The following YEATS2 variants were observed in gnomAD, a reference collection of about 807,000 sequenced individuals.
The protein encoded by YEATS2 is YEATS domain containing 2.
Under a neutral mutation model 163.2 loss-of-function variants are expected in YEATS2, and 77 were observed. The observed-to-expected ratio is 0.47, with a 90% CI of 0.39 to 0.57. The LOEUF (loss-of-function observed/expected upper bound fraction) is 0.57, where lower values mean the gene tolerates loss of function less well. Ranked by LOEUF, YEATS2 falls within the 20% of genes least tolerant of loss-of-function variation. The pLI, the probability that YEATS2 is intolerant of heterozygous loss-of-function variation, is 0.00. For synonymous variants in YEATS2, 631 were observed against 645.1 expected (o/e 0.98, Z 0.33); for missense variants, 1,549 against 1,729.8 (o/e 0.90, Z 1.85).
intron 20 of YEATS2, among the ~76,000 whole-genome samples, chr3:183,788,620 ACGT>A (rs1420404545): frequency 6.6e-6 from 1 of 152,200 alleles, no homozygotes; most frequent in Non-Finnish European, 1.5e-5. Flanking sequence ...GGAAGTGCAG[ACGT>A]CTCCTCATAT....
intron 17 of YEATS2, among the ~76,000 whole-genome samples, chr3:183,774,748 C>T (rs1029975048): frequency 2.6e-5 from 4 of 152,126 alleles, no homozygotes; most frequent in African/African-American, 4.8e-5. Context: ...GGAAGTTAAC[C>T]GCCCTTGCCA....
chr3:183,707,725 C>G (rs1031810009), intron 1 of YEATS2, among the ~76,000 whole-genome samples: 2 of 147,862 alleles, frequency 1.4e-5, no homozygotes, highest in Non-Finnish European at 3.0e-5. Flanking sequence ...ACTCTGTCAC[C>G]CAGGCTGGAG....
At chr3:183,754,042 G>A (rs1182918052) in intron 10 of YEATS2, 84 bp from the exon 11 acceptor site, 6 of 1,441,794 alleles carry the variant, frequency 4.2e-6, no homozygotes, top group Non-Finnish European at 5.5e-6. Context: ...TTGAAATAAT[G>A]CATTTTTATT....
chr3:183,810,269 A>C lies in YEATS2; in HGVS notation c.4161-206A>C, dbSNP rs1726663145. 5 of 505,732 alleles carry C rather than the reference A, an allele frequency of 9.9e-6. No individual in the cohort carries two copies. The South Asian group carries it at 1.0e-4, about 10-fold the overall frequency. The allele number at this position is 505,732 out of a possible 1,614,324, so 31.3% of individuals were successfully genotyped here. A position where few individuals can be genotyped will look rare whatever the true frequency, so the allele number is the denominator to read the frequency against. On this transcript the variant is annotated intron_variant, in intron 30 of 30. Coordinates refer to ENST00000305135, the MANE Select transcript of YEATS2 (RefSeq NM_018023.5). Reference sequence around the variant, plus strand: ...GTTCTCAGAATCTTTTTTCCTAATTATTCAACCAACTTGTTGACATCCTTC... The same window carrying C: ...GTTCTCAGAATCTTTTTTCCTAATTCTTCAACCAACTTGTTGACATCCTTC...
intron 15 of YEATS2, among the ~76,000 whole-genome samples, chr3:183,763,224 A>AGTT (rs1292002295): frequency 2.0e-5 from 3 of 152,180 alleles, no homozygotes; most frequent in African/African-American, 4.8e-5. Flanking sequence ...TAGAATAGCT[A>AGTT]ACTACACACT....
intron 9 of YEATS2, among the ~76,000 whole-genome samples, chr3:183,748,599 TTTCTC>T (rs1449389686): frequency 2.0e-5 from 3 of 151,640 alleles, no homozygotes; most frequent in African/African-American, 7.3e-5. Flanking sequence ...TTTTCTTCTT[TTTCTC>T]TTCTCTTTTT....
At chr3:183,780,043 G>A (rs1330731958) in intron 19 of YEATS2, among the ~76,000 whole-genome samples, 1 of 144,686 alleles carries the variant, frequency 6.9e-6, no homozygotes, top group Non-Finnish European at 1.5e-5. Flanking sequence ...TCTGACTCAA[G>A]ATCTAACAGA....
At chr3:183,749,939 T>C (rs1719985722) in intron 9 of YEATS2, among the ~76,000 whole-genome samples, 1 of 152,096 alleles carries the variant, frequency 6.6e-6, no homozygotes, top group Admixed American at 6.6e-5. Flanking sequence ...TGCCTCAGCC[T>C]CCTGAGTAGC....
chr3:183,744,873 C>T (rs1719358013), intron 8 of YEATS2, among the ~76,000 whole-genome samples: 1 of 151,982 alleles, frequency 6.6e-6, no homozygotes, highest in Admixed American at 6.6e-5. Context: ...TGTTTTGAGG[C>T]AGAATCTCAC....
chr3:183,749,536 A>G (rs894289724), intron 9 of YEATS2, among the ~76,000 whole-genome samples: 2 of 152,116 alleles, frequency 1.3e-5, no homozygotes, highest in African/African-American at 4.8e-5. Flanking sequence ...ATCATAACAT[A>G]TGTGTCTCTT....
intron 15 of YEATS2, among the ~76,000 whole-genome samples, chr3:183,771,426 C>T (rs1722442377): frequency 6.7e-6 from 1 of 150,324 alleles, no homozygotes; most frequent in African/African-American, 2.4e-5. Context: ...GTTTTAAAAA[C>T]ACTCCTGAGT....
At chr3:183,734,201 A>G (rs1452589530) in intron 7 of YEATS2, among the ~76,000 whole-genome samples, 21 of 152,206 alleles carry the variant, frequency 1.4e-4, no homozygotes, top group Admixed American at 1.4e-3. Flanking sequence ...CAGTCGGACA[A>G]TGCCCAGTCA....
intron 20 of YEATS2, 132 bp downstream of exon 20, chr3:183,786,433 A>G (rs1724074035): frequency 1.1e-6 from 1 of 870,606 alleles, no homozygotes; most frequent in African/African-American, 1.7e-5. Flanking sequence ...TTAAAGAAAT[A>G]TTCACATACC....
rs1726674149 is a variant in YEATS2 at position 183,810,354 on chromosome 3, C to T, written c.4161-121C>T. On this transcript the variant is annotated intron_variant, in intron 30 of 30. Transcript: ENST00000305135. ...GAGTGGCCCTAAGCTATGTCTGTGG[C>T]TCAGGAGCCCTCTCCACGGGGCCTC... is the stretch of plus-strand genomic sequence containing the variant. 3.6e-6 allele frequency: 3 copies of T among 842,586 alleles called. No individual in the cohort carries two copies. The Admixed American group carries it at 6.3e-5, about 18-fold the overall frequency. 52.2% of individuals were successfully genotyped at this position (842,586 alleles called of 1,614,324 possible).
chr3:183,730,052 G>GTTTGTTTTTTT lies in YEATS2; in HGVS notation c.812+1204_812+1205insGTTTTTTTTTT, dbSNP rs1560244258. 1.7e-4 allele frequency among the ~76,000 whole-genome samples: 7 copies of GTTTGTTTTTTT among 41,708 alleles called. 1 individual carries two copies. Among genetic ancestry groups the GTTTGTTTTTTT allele is most frequent in the African/African-American group, 1.6e-4 (2 of 12,144 alleles). 27.4% of individuals were successfully genotyped at this position (41,708 alleles called of 152,430 possible). A position where few individuals can be genotyped will look rare whatever the true frequency, so the allele number is the denominator to read the frequency against. On this transcript the variant is annotated intron_variant, in intron 7 of 30. Transcript: ENST00000305135. ...ATATTAATTGTGTGGTTTTTTGTTT[G>GTTTGTTTTTTT]TTTTTTTTTTTTTTTTTTTTTTTTT... is the stretch of plus-strand genomic sequence containing the variant.
chr3:183,793,333 G>C (rs1724836994), intron 21 of YEATS2: 1 of 1,088,982 alleles, frequency 9.2e-7, no homozygotes, highest in African/African-American at 1.6e-5. Flanking sequence ...AAAAATTAAG[G>C]CTGATTATAT....
At chr3:183,793,742 A>G (rs1210745987) in intron 21 of YEATS2, among the ~76,000 whole-genome samples, 1 of 149,662 alleles carries the variant, frequency 6.7e-6, no homozygotes. Flanking sequence ...CCTCTTGAGT[A>G]GCTGGGATTA....
At chr3:183,774,242 A>G (rs183522127) in intron 17 of YEATS2, among the ~76,000 whole-genome samples, 1 of 152,202 alleles carries the variant, frequency 6.6e-6, no homozygotes, top group Non-Finnish European at 1.5e-5. Flanking sequence ...GAAGTTGAGC[A>G]TGGACGAAGA....
At position 183,712,802 on chromosome 3, in the gene YEATS2, C is replaced by T. The variant is rs576315064; in HGVS notation, c.-19-2342C>T. 2.0e-5 allele frequency among the ~76,000 whole-genome samples: 3 copies of T among 151,472 alleles called. No homozygotes were observed. The East Asian group carries it at 5.8e-4, about 29-fold the overall frequency. ...TTCGAGAGAGTTTTGCTCTTGTTGC[C>T]CAGGCCGGAGTGCAGTGGTGTGATC... On this transcript the variant is annotated intron_variant, in intron 1 of 30. Coordinates refer to ENST00000305135, the MANE Select transcript of YEATS2 (RefSeq NM_018023.5).
Sources: allele counts gnomAD v4.1 joint callset (sites outside exome capture counted in the v4.1 genomes callset), GRCh38; gene constraint gnomAD v4.1.1; transcripts MANE v1.5; gene names NCBI Gene and HGNC (gene_info 2026-07-23, HGNC 2026-07-21).